AGBL1: variants seen among roughly 807,000 people sequenced by gnomAD.
AGBL1 encodes the protein AGBL carboxypeptidase 1.
A neutral mutation model predicts 118.9 loss-of-function variants in AGBL1; 130 were observed. The observed-to-expected ratio is 1.09, with a 90% CI of 0.95 to 1.26. The LOEUF is 1.26. Among genes scored for constraint, AGBL1 ranks in the 50% most tolerant of loss-of-function variants. AGBL1 has a pLI of 0.00. For synonymous variants in AGBL1, 555 were observed against 478.9 expected, an observed-to-expected ratio of 1.16 and a Z score of -2.08; for missense variants, 1,584 against 1,298.1, an observed-to-expected ratio of 1.22 and a Z score of -3.38.
At chr15:86,582,064 T>A (rs972684107) in intron 21 of AGBL1, among the ~76,000 whole-genome samples, 1 of 152,190 alleles carries the variant, frequency 6.6e-6, no homozygotes, top group Admixed American at 6.5e-5. Context: ...GATATTTAGC[T>A]GCATCCCTGG....
At chr15:86,515,377 A>G (rs973650712) in intron 18 of AGBL1, among the ~76,000 whole-genome samples, 4 of 152,278 alleles carry the variant, frequency 2.6e-5, no homozygotes, top group East Asian at 1.9e-4. Flanking sequence ...GTGTGCCTGT[A>G]TGTGTGTATA....
At chr15:86,217,400 G>A (rs900954823) in intron 5 of AGBL1, among the ~76,000 whole-genome samples, 6 of 152,276 alleles carry the variant, frequency 3.9e-5, no homozygotes, top group African/African-American at 1.4e-4. Context: ...TAAGTGGTAG[G>A]GGTAGAATAG....
chr15:86,959,051 A>G lies in AGBL1; in HGVS notation c.3222-28936A>G, dbSNP rs537915511. 3.2e-4 allele frequency among the ~76,000 whole-genome samples: 48 copies of G among 152,240 alleles called. No individual in the cohort carries two copies. The South Asian group carries it at 9.7e-3, about 31-fold the overall frequency. On this transcript the variant is annotated intron_variant, in intron 23 of 24. Transcript: ENST00000441037. The stretch of plus-strand genomic sequence containing the variant: ...AGTACACAGAATCCTGAGAGAAAAT[A>G]TTCCCTTTCTGGAAATGGAGGGACA...
At position 87,001,251 on chromosome 15, in the gene AGBL1, A is replaced by T. The variant is rs908577479; in HGVS notation, c.3323+13163A>T. ...CTCCTGCCTCATTGCCCTGGCCAGA[A>T]CTTCCAACACTATGTTGAATAGGAG... On this transcript the variant is annotated intron_variant, in intron 24 of 24. Coordinates refer to the AGBL1 transcript ENST00000441037. Among the ~76,000 whole-genome samples, 27 of 151,434 alleles carry T rather than the reference A, an allele frequency of 1.8e-4. 1 individual carries two copies. Among genetic ancestry groups the T allele is most frequent in the Admixed American group, 6.6e-5 (1 of 15,130 alleles).
intron 22 of AGBL1, among the ~76,000 whole-genome samples, chr15:86,865,108 T>C (rs1042827472): frequency 6.6e-6 from 1 of 152,158 alleles, no homozygotes; most frequent in African/African-American, 2.4e-5. Flanking sequence ...GTTACATAAA[T>C]AGCTGTTGGG....
intron 18 of AGBL1, among the ~76,000 whole-genome samples, chr15:86,463,471 T>C (rs570514084): frequency 2.0e-5 from 3 of 152,206 alleles, no homozygotes; most frequent in Non-Finnish European, 4.4e-5. Flanking sequence ...ATTTTGGCTT[T>C]TGTTGCCATT....
At chr15:86,569,836 AAGG>A (rs1223772857) in intron 21 of AGBL1, among the ~76,000 whole-genome samples, 1 of 152,264 alleles carries the variant, frequency 6.6e-6, no homozygotes, top group African/African-American at 2.4e-5. Flanking sequence ...TATGAAAAAT[AAGG>A]AGGAGATCTG....
chr15:86,307,126 C>T (rs1239417951), intron 17 of AGBL1, among the ~76,000 whole-genome samples: 1 of 151,916 alleles, frequency 6.6e-6, no homozygotes, highest in Admixed American at 6.6e-5. Flanking sequence ...CCAAAAAGAA[C>T]TCACCATTTT....
chr15:86,361,385 T>C (rs1327752828), intron 17 of AGBL1, among the ~76,000 whole-genome samples: 2 of 152,072 alleles, frequency 1.3e-5, no homozygotes, highest in Admixed American at 1.3e-4. Context: ...TCCTGGAAAA[T>C]GTTCTATGTG....
intron 22 of AGBL1, among the ~76,000 whole-genome samples, chr15:86,712,610 A>G (rs1266841167): frequency 1.3e-5 from 2 of 152,196 alleles, no homozygotes; most frequent in Non-Finnish European, 2.9e-5. Context: ...ATGAACATTT[A>G]CATTTTGGAT....
chr15:86,811,311 G>A lies in AGBL1; in HGVS notation c.3159-95776G>A, dbSNP rs116844002. 9.4e-3 allele frequency among the ~76,000 whole-genome samples: 1,427 copies of A among 152,244 alleles called. 11 individuals carry two copies. Among genetic ancestry groups the A allele is most frequent in the Middle Eastern group, 0.02 (6 of 294 alleles). On this transcript the variant is annotated intron_variant, in intron 22 of 22. Transcript: ENST00000614907. ...CTGGTAAAATAAAAGGATAGAACTCGGAGGAGGATGAAAGATGGGAGAACA... is the reference window on the plus strand; with the variant it reads ...CTGGTAAAATAAAAGGATAGAACTCAGAGGAGGATGAAAGATGGGAGAACA...
At position 86,159,016 on chromosome 15, in the gene AGBL1, C is replaced by G. The variant is rs2077230899; in HGVS notation, c.478C>G (p.Gln160Glu). 1 of 1,612,958 alleles carries G rather than the reference C, an allele frequency of 6.2e-7. No homozygotes were observed. Among genetic ancestry groups the G allele is most frequent in the Non-Finnish European group, 8.5e-7 (1 of 1,179,220 alleles). ...VITPYTRKRT[Q>E]AIRAATEVLA... ...TACTCCTTACACCCGAAAGCGCACC[C>G]AAGCAATCAGGTACAGAGTGCCATG... The change falls in exon 5 of 23, where the codon CAA becomes GAA. Residue 160 changes from glutamine to glutamate, a missense_variant. Physicochemically the swap from Gln to Glu is conservative, Grantham distance 29 (BLOSUM62 2). Coordinates refer to ENST00000614907, the MANE Select transcript of AGBL1 (RefSeq NM_001386094.1).
intron 1 of AGBL1, among the ~76,000 whole-genome samples, chr15:86,115,238 A>G (rs1042043621): frequency 6.6e-6 from 1 of 152,156 alleles, no homozygotes; most frequent in African/African-American, 2.4e-5. Context: ...GAGTACCATA[A>G]AGTCACAGTG....
chr15:86,628,639 AC>A (rs2084922187), intron 21 of AGBL1, among the ~76,000 whole-genome samples: 1 of 152,040 alleles, frequency 6.6e-6, no homozygotes, highest in Non-Finnish European at 1.5e-5. Context: ...TACTAAAAAT[AC>A]AAAAAATTAG....
chr15:86,582,544 A>G (rs943284558), intron 21 of AGBL1, among the ~76,000 whole-genome samples: 2 of 152,150 alleles, frequency 1.3e-5, no homozygotes, highest in African/African-American at 4.8e-5. Context: ...TCATGCTGCT[A>G]TAAAGACACA....
At chr15:86,378,681 GATT>G (rs35489192) in intron 17 of AGBL1, among the ~76,000 whole-genome samples, 58,822 of 150,904 alleles carry the variant, frequency 0.39, 12,292 homozygotes, top group East Asian at 0.65. Flanking sequence ...AGTGAGATGG[GATT>G]ATTATTATTA....
At chr15:87,025,594 A>G (rs2081718809) in intron 24 of AGBL1, among the ~76,000 whole-genome samples, 19 of 152,106 alleles carry the variant, frequency 1.2e-4, no homozygotes, top group Non-Finnish European at 1.5e-5. Flanking sequence ...CTACAAATTC[A>G]GAGCAATACC....
intron 1 of AGBL1, among the ~76,000 whole-genome samples, chr15:86,109,111 G>C (rs1897217689): frequency 6.6e-6 from 1 of 152,156 alleles, no homozygotes; most frequent in Non-Finnish European, 1.5e-5. Context: ...AAAGGAGTTA[G>C]TATATCTACT....
intron 22 of AGBL1, among the ~76,000 whole-genome samples, chr15:86,751,036 A>G (rs1302591729): frequency 6.6e-6 from 1 of 152,000 alleles, no homozygotes; most frequent in Non-Finnish European, 1.5e-5. Flanking sequence ...AATACAGTCT[A>G]TTGTCAGTAG....
Sources: allele counts gnomAD v4.1 joint callset (sites outside exome capture counted in the v4.1 genomes callset), GRCh38; gene constraint gnomAD v4.1.1; transcripts MANE v1.5; gene names NCBI Gene and HGNC (gene_info 2026-07-23, HGNC 2026-07-21).